The following ASIC2 variants were observed in gnomAD, a reference collection of about 807,000 sequenced individuals.
The protein encoded by ASIC2 is acid sensing ion channel subunit 2.
In ASIC2, 25 loss-of-function variants were observed where a neutral mutation model predicts 57.3. That is an observed-to-expected ratio of 0.44 (90% CI 0.32 to 0.61). The LOEUF (loss-of-function observed/expected upper bound fraction) is 0.61, where lower values mean the gene tolerates loss of function less well. ASIC2 is among the 20% of genes least tolerant of loss of function. ASIC2 has a pLI of 0.06. For missense variants in ASIC2, 641 were observed against 738.1 expected, an observed-to-expected ratio of 0.87 and a Z score of 1.52; for synonymous variants, 319 against 307.5, an observed-to-expected ratio of 1.04 and a Z score of -0.39.
At chr17:33,055,831 C>T (rs1420994147) in intron 3 of ASIC2, among the ~76,000 whole-genome samples, 2 of 152,176 alleles carry the variant, frequency 1.3e-5, no homozygotes, top group African/African-American at 4.8e-5. Context: ...GTCTTGTCTC[C>T]TCCGTGATAA....
intron 1 of ASIC2, among the ~76,000 whole-genome samples, chr17:33,531,067 T>G (rs1296929492): frequency 7.7e-6 from 1 of 129,526 alleles, no homozygotes; most frequent in Non-Finnish European, 1.8e-5. Flanking sequence ...TAACTTAATT[T>G]ATTAACTTAT....
chr17:33,635,889 G>A (rs1906344353), intron 1 of ASIC2, among the ~76,000 whole-genome samples: 1 of 152,162 alleles, frequency 6.6e-6, no homozygotes, highest in Admixed American at 6.5e-5. Context: ...GATGCTCACT[G>A]CAACTGCAAA....
chr17:33,946,586 G>A (rs1904381682), intron 1 of ASIC2, among the ~76,000 whole-genome samples: 1 of 152,182 alleles, frequency 6.6e-6, no homozygotes, highest in Non-Finnish European at 1.5e-5. Flanking sequence ...AGAAATGAAC[G>A]AGACATGTTC....
intron 1 of ASIC2, among the ~76,000 whole-genome samples, chr17:33,636,904 C>G (rs1906389212): frequency 1.3e-5 from 2 of 151,932 alleles, no homozygotes; most frequent in South Asian, 4.2e-4. Context: ...CACCACACAC[C>G]TGTACAATTC....
chr17:33,426,397 A>T (rs762681239), intron 1 of ASIC2, among the ~76,000 whole-genome samples: 40 of 152,340 alleles, frequency 2.6e-4, no homozygotes, highest in Non-Finnish European at 3.2e-4. Context: ...CTCTGTACCA[A>T]AACGCAGGAG....
chr17:33,849,351 C>T (rs1913702054), intron 1 of ASIC2, among the ~76,000 whole-genome samples: 1 of 152,170 alleles, frequency 6.6e-6, no homozygotes, highest in Admixed American at 6.5e-5. Flanking sequence ...TTAACTGAGC[C>T]TCACCAGGGC....
chr17:33,667,156 C>A (rs1398426970), intron 1 of ASIC2, among the ~76,000 whole-genome samples: 5 of 152,118 alleles, frequency 3.3e-5, no homozygotes, highest in African/African-American at 1.2e-4. Context: ...CCGGAAACCA[C>A]CTATTGGATG....
intron 1 of ASIC2, among the ~76,000 whole-genome samples, chr17:33,302,365 A>G (rs1351388944): frequency 6.6e-6 from 1 of 152,224 alleles, no homozygotes; most frequent in Non-Finnish European, 1.5e-5. Context: ...AGAATGAGGC[A>G]TTTTATTCAC....
chr17:33,575,129 C>T (rs1916576957), intron 1 of ASIC2, among the ~76,000 whole-genome samples: 1 of 152,158 alleles, frequency 6.6e-6, no homozygotes, highest in Admixed American at 6.5e-5. Flanking sequence ...GGGCTGGACA[C>T]AAGATCTCAA....
At chr17:33,872,864 G>A (rs1253684702) in intron 1 of ASIC2, among the ~76,000 whole-genome samples, 2 of 152,124 alleles carry the variant, frequency 1.3e-5, no homozygotes, top group African/African-American at 4.8e-5. Flanking sequence ...GGCAGCACTG[G>A]TAACCAATAC....
chr17:33,313,594 A>G (rs558841820), intron 1 of ASIC2, among the ~76,000 whole-genome samples: 3 of 152,276 alleles, frequency 2.0e-5, no homozygotes, highest in African/African-American at 7.2e-5. Flanking sequence ...TGCTTTCTCC[A>G]CAAAGTTCAG....
chr17:33,570,612 C>T (rs747716421), intron 1 of ASIC2, among the ~76,000 whole-genome samples: 1 of 152,192 alleles, frequency 6.6e-6, no homozygotes, highest in Non-Finnish European at 1.5e-5. Flanking sequence ...TGAGTGTTAC[C>T]ATTTTAGTTA....
intron 1 of ASIC2, among the ~76,000 whole-genome samples, chr17:33,713,123 A>C (rs1909105213): frequency 1.3e-5 from 2 of 152,174 alleles, no homozygotes; most frequent in African/African-American, 4.8e-5. Flanking sequence ...TGCTTGCGCT[A>C]TTTATTAGGA....
intron 1 of ASIC2, among the ~76,000 whole-genome samples, chr17:33,241,939 G>A (rs1227805470): frequency 3.3e-5 from 5 of 152,190 alleles, no homozygotes; most frequent in Admixed American, 3.3e-4. Flanking sequence ...GTTGAGATTT[G>A]CTATATATAA....
chr17:34,080,633 G>A (rs1337050437), intron 1 of ASIC2, among the ~76,000 whole-genome samples: 1 of 152,196 alleles, frequency 6.6e-6, no homozygotes, highest in Non-Finnish European at 1.5e-5. Flanking sequence ...CTAGGTGAAG[G>A]GAGAGTCTTG....
In ASIC2 at chr17:33,013,965, T is replaced by A. The variant is rs760106235; in HGVS notation, c.1692A>T (p.Ter564CysextTer14). Residue 564 changes from the stop codon to cysteine, a stop_lost, in exon 10 of 10, where the codon TGA (stop) becomes TGT (cysteine). Transcript: ENST00000225823. ...TLGTLEEIAC* is the reference protein window; with the variant it reads ...TLGTLEEIACC ...GGAGTGCTGGGTGACTCGAGGGGTG[T>A]CAGCAGGCAATCTCCTCCAAGGTCC... 6.3e-7 allele frequency: 1 copy of A among 1,584,692 alleles called. No individual in the cohort carries two copies. The highest frequency in any genetic ancestry group is 1.8e-5 in the Admixed American group (1 of 56,402).
At chr17:33,459,414 T>A (rs933636529) in intron 1 of ASIC2, among the ~76,000 whole-genome samples, 3 of 152,160 alleles carry the variant, frequency 2.0e-5, no homozygotes, top group Non-Finnish European at 4.4e-5. Context: ...TAAACAGCAA[T>A]ACATTCAAAC....
chr17:33,431,772 A>T (rs117590386), intron 1 of ASIC2, among the ~76,000 whole-genome samples: 512 of 152,370 alleles, frequency 3.4e-3, no homozygotes, highest in Non-Finnish European at 5.7e-3. Flanking sequence ...AAACATCATA[A>T]AAATATTGAG....
intron 1 of ASIC2, among the ~76,000 whole-genome samples, chr17:33,982,097 T>C (rs1905647053): frequency 6.6e-6 from 1 of 152,190 alleles, no homozygotes; most frequent in South Asian, 2.1e-4. Flanking sequence ...CTTGTTCTCC[T>C]GGGAGCAGAC....
Sources: gnomAD v4.1 joint callset for allele counts (sites outside exome capture counted in the v4.1 genomes callset) on GRCh38, gnomAD v4.1.1 for gene constraint, MANE v1.5 for transcripts, NCBI Gene and HGNC (gene_info 2026-07-23, HGNC 2026-07-21) for gene names.